Variants in ABCA4 observed in about 807,000 individuals in gnomAD.
The protein encoded by ABCA4 is ATP binding cassette subfamily A member 4.
In ABCA4, 196 loss-of-function variants were observed where a neutral mutation model predicts 263.7. That is an observed-to-expected ratio of 0.74 (90% CI 0.66 to 0.84). ABCA4 has a LOEUF of 0.84. ABCA4 is among the 40% of genes least tolerant of loss of function. The pLI is 0.00. For synonymous variants in ABCA4, 1,133 were observed against 1,094.2 expected (o/e 1.04, Z -0.70); for missense variants, 2,792 against 2,855.1 (o/e 0.98, Z 0.50).
At chr1:94,011,487 G>A in intron 38 of ABCA4, 102 bp from the exon 39 acceptor site, 2 of 1,575,936 alleles carry the variant, frequency 1.3e-6, no homozygotes, top group Admixed American at 1.7e-5. Flanking sequence ...ACAGGGCAAG[G>A]CCTGCAGACA....
chr1:94,001,930 C>A lies in ABCA4; in HGVS notation c.6210G>T (p.Thr2070=), dbSNP rs1368610622. The stretch of plus-strand genomic sequence containing the variant: ...GTTTCCGCTTGTTGCCCCCACTGTA[C>A]GTGCCAGCCAGGCAGTCGGCGTAGA... The part of the protein sequence containing the change: ...LTVYADCLAG[T]YSGGNKRKLS... The change falls in exon 45 of 50, where the codon ACG becomes ACT. Residue 2070 remains threonine (T), a synonymous_variant. Coordinates refer to ENST00000370225, the MANE Select transcript of ABCA4 (RefSeq NM_000350.3). The A allele has an allele frequency of 1.2e-6, 2 of 1,614,078 alleles. No individual in the cohort carries two copies. The highest frequency in any genetic ancestry group is 3.3e-5 in the Admixed American group (2 of 60,014).
At chr1:94,025,121 T>A in intron 30 of ABCA4, 73 bp from the exon 31 acceptor site, 1 of 1,239,652 alleles carries the variant, frequency 8.1e-7, no homozygotes, top group Non-Finnish European at 1.2e-6. Context: ...AAACTGCTTG[T>A]TGTCTTCCAA....
At chr1:94,004,719 A>T (rs1659323617) in intron 44 of ABCA4, among the ~76,000 whole-genome samples, 1 of 152,212 alleles carries the variant, frequency 6.6e-6, no homozygotes, top group African/African-American at 2.4e-5. Context: ...TGCTTCCAAA[A>T]ATTAAAACTA....
At chr1:94,023,470 G>C in intron 31 of ABCA4, 52 bp from the exon 32 acceptor site, 3 of 1,423,462 alleles carry the variant, frequency 2.1e-6, no homozygotes, top group Non-Finnish European at 3.0e-6. Flanking sequence ...CAGCAGTGCC[G>C]TTAACTTTCT....
At chr1:94,013,922 G>T (rs868424499) in intron 38 of ABCA4, among the ~76,000 whole-genome samples, 2 of 152,238 alleles carry the variant, frequency 1.3e-5, no homozygotes, top group Admixed American at 6.5e-5. Context: ...CTCTGGAGAA[G>T]AGAACTGCAT....
At chr1:94,120,229 G>A (rs2101188955) in intron 1 of ABCA4, among the ~76,000 whole-genome samples, 2 of 152,250 alleles carry the variant, frequency 1.3e-5, no homozygotes, top group South Asian at 4.2e-4. Context: ...GTTGCTCTTG[G>A]TCTCCAAACG....
At chr1:94,099,578 T>A (rs1662232477) in intron 5 of ABCA4, among the ~76,000 whole-genome samples, 1 of 152,186 alleles carries the variant, frequency 6.6e-6, no homozygotes, top group Non-Finnish European at 1.5e-5. Context: ...TACAGTACCA[T>A]CAAGGCTTCC....
chr1:94,000,387 A>G (rs1659139469), intron 47 of ABCA4, among the ~76,000 whole-genome samples: 1 of 152,208 alleles, frequency 6.6e-6, no homozygotes, highest in Admixed American at 6.5e-5. Context: ...CATATAACAT[A>G]TGGTCTTTTT....
rs11289565 is a variant in ABCA4, at chr1:94,046,280, T to TA, written c.2918+638dup. ...CAACATGGTGAAACCCTGTCTGTAC[T>TA]AAAAAAAAAAAAAAAAAAAAAAAAT... is the stretch of plus-strand genomic sequence containing the variant. On this transcript the variant is annotated intron_variant, in intron 19 of 49. Coordinates refer to ENST00000370225, the MANE Select transcript of ABCA4 (RefSeq NM_000350.3). Among the ~76,000 whole-genome samples, 291 of 77,046 alleles carry TA rather than the reference T, an allele frequency of 3.8e-3. 1 individual carries two copies. The highest frequency in any genetic ancestry group is 0.011 in the African/African-American group (224 of 21,242). 50.5% of individuals were successfully genotyped at this position (77,046 alleles called of 152,430 possible).
chr1:94,083,372 T>A lies in ABCA4; in HGVS notation c.838A>T (p.Met280Leu), dbSNP rs138682163. The part of the protein sequence containing the change: ...LRSWGGILSD[M>L]SPRIQEFIHR... ...CTCACCTCTTGAATTCTTGGTGACA[T>A]ATCAGATAATATTCCTCCCCAAGAT... The change falls in exon 7 of 50, where the codon ATG becomes TTG. Residue 280 changes from methionine (M) to leucine (L), a missense_variant. Coordinates refer to ENST00000370225, the MANE Select transcript of ABCA4 (RefSeq NM_000350.3). 2.9e-4 allele frequency: 471 copies of A among 1,612,466 alleles called. 1 individual carries two copies. In the African/African-American group the frequency reaches 5.4e-3, roughly 18 times the overall value.
chr1:94,116,639 C>A (rs1662771308), intron 1 of ABCA4, among the ~76,000 whole-genome samples: 2 of 152,210 alleles, frequency 1.3e-5, no homozygotes, highest in South Asian at 4.1e-4. Context: ...CCTAGCCTGA[C>A]AGGTCTGGTT....
intron 7 of ABCA4, among the ~76,000 whole-genome samples, chr1:94,081,420 G>C (rs1295763071): frequency 1.3e-5 from 2 of 152,020 alleles, no homozygotes; most frequent in Non-Finnish European, 2.9e-5. Flanking sequence ...AGAAAAAGAG[G>C]GAAATAAAAT....
intron 38 of ABCA4, among the ~76,000 whole-genome samples, chr1:94,012,982 G>A (rs4147853): frequency 2.7e-4 from 41 of 152,232 alleles, no homozygotes; most frequent in Admixed American, 1.3e-3. Context: ...GCTGTGTATC[G>A]GATAATTTAC....
chr1:94,020,536 G>A (rs1659867116), intron 35 of ABCA4, among the ~76,000 whole-genome samples: 1 of 152,218 alleles, frequency 6.6e-6, no homozygotes, highest in South Asian at 2.1e-4. Context: ...GGCTGAGTGA[G>A]AATTAACAGA....
At chr1:94,119,962 A>C (rs78133568) in intron 1 of ABCA4, among the ~76,000 whole-genome samples, 3,843 of 152,030 alleles carry the variant, frequency 0.025, 169 homozygotes, top group African/African-American at 0.088. Flanking sequence ...CCAGGGTCCT[A>C]ATCTCACCCC....
chr1:94,048,630 C>T (rs1660752062), intron 18 of ABCA4, among the ~76,000 whole-genome samples: 1 of 152,238 alleles, frequency 6.6e-6, no homozygotes, highest in Admixed American at 6.5e-5. Flanking sequence ...CACAGGCACA[C>T]TACATAGTTG....
chr1:94,023,027 G>A (rs1659942092), intron 32 of ABCA4, among the ~76,000 whole-genome samples: 2 of 152,202 alleles, frequency 1.3e-5, no homozygotes, highest in African/African-American at 4.8e-5. Context: ...ACTCCCTGAA[G>A]CTTAAAAGGA....
intron 6 of ABCA4, among the ~76,000 whole-genome samples, chr1:94,087,740 CT>C (rs1311806219): frequency 6.6e-6 from 1 of 152,222 alleles, no homozygotes; most frequent in Non-Finnish European, 1.5e-5. Flanking sequence ...GTTTCTCTGA[CT>C]TTTGTTACTC....
intron 10 of ABCA4, 24 bp downstream of exon 10, chr1:94,078,566 T>G (rs766792148): frequency 1.0e-4 from 44 of 438,794 alleles, no homozygotes; most frequent in Non-Finnish European, 1.6e-4. Flanking sequence ...TCCCCTCCCC[T>G]CCCCATCCTC....
Sources: gnomAD v4.1 joint callset for allele counts (sites outside exome capture counted in the v4.1 genomes callset) on GRCh38, gnomAD v4.1.1 for gene constraint, MANE v1.5 for transcripts, NCBI Gene and HGNC (gene_info 2026-07-23, HGNC 2026-07-21) for gene names.